Variants in GPR15LG observed in about 807,000 individuals in gnomAD.
GPR15LG encodes protein GPR15LG.
chr10:84,184,143 G>C, the GPR15LG span, among the ~76,000 whole-genome samples: 1 of 147,488 alleles, frequency 6.8e-6, no homozygotes, highest in Non-Finnish European at 1.5e-5. Flanking sequence ...GACATAAGGA[G>C]ACTCCCATCT....
the GPR15LG span, chr10:84,174,072 T>C: frequency 1.5e-6 from 1 of 657,496 alleles, no homozygotes; most frequent in Non-Finnish European, 2.7e-6. Context: ...CCTGAACCTA[T>C]AGGTTTGGGG....
chr10:84,175,869 A>G, the GPR15LG span, among the ~76,000 whole-genome samples: 9 of 149,802 alleles, frequency 6.0e-5, no homozygotes, highest in African/African-American at 2.2e-4. Flanking sequence ...TCCTTTATTC[A>G]GGCTTTTTTT....
the GPR15LG span, among the ~76,000 whole-genome samples, chr10:84,179,826 A>G: frequency 6.6e-6 from 1 of 152,072 alleles, no homozygotes; most frequent in Non-Finnish European, 1.5e-5. Flanking sequence ...TCAACATGCT[A>G]AATGGCTGAT....
the GPR15LG span, among the ~76,000 whole-genome samples, chr10:84,183,006 A>T: frequency 6.6e-6 from 1 of 151,510 alleles, no homozygotes; most frequent in African/African-American, 2.4e-5. Context: ...CTATGGGAAG[A>T]TCAAAGCACT....
chr10:84,184,906 C>A, the GPR15LG span: 1 of 1,492,218 alleles, frequency 6.7e-7, no homozygotes, highest in Non-Finnish European at 8.8e-7. Context: ...TGCAAGGACC[C>A]TGGGAAAGTT....
chr10:84,174,258 C>G, the GPR15LG span, among the ~76,000 whole-genome samples: 2 of 152,134 alleles, frequency 1.3e-5, no homozygotes, highest in African/African-American at 2.4e-5. Flanking sequence ...TTCTCTTGTA[C>G]TTGTGTCATG....
chr10:84,183,521 A>G, the GPR15LG span, among the ~76,000 whole-genome samples: 1 of 152,048 alleles, frequency 6.6e-6, no homozygotes, highest in Non-Finnish European at 1.5e-5. Context: ...TCATTTTTTA[A>G]TTTTTAAACT....
chr10:84,176,556 A>C, the GPR15LG span: 1 of 1,613,618 alleles, frequency 6.2e-7, no homozygotes, highest in Non-Finnish European at 8.5e-7. Context: ...GCCCCAACTC[A>C]ACAAACCTGA....
chr10:84,182,649 G>A, the GPR15LG span, among the ~76,000 whole-genome samples: 5 of 152,184 alleles, frequency 3.3e-5, no homozygotes, highest in African/African-American at 9.7e-5. Flanking sequence ...TGAGGTACAG[G>A]CTCTGAGCTT....
At chr10:84,183,467 C>T in the GPR15LG span, among the ~76,000 whole-genome samples, 6 of 152,070 alleles carry the variant, frequency 3.9e-5, no homozygotes, top group African/African-American at 1.2e-4. Flanking sequence ...CTTTGTTTTT[C>T]GTACAAACGT....
chr10:84,178,228 G>T, the GPR15LG span, among the ~76,000 whole-genome samples: 1 of 147,042 alleles, frequency 6.8e-6, no homozygotes, highest in African/African-American at 2.5e-5. Context: ...CACACACCAC[G>T]CACTATACAT....
At chr10:84,184,280 G>A in the GPR15LG span, among the ~76,000 whole-genome samples, 50 of 152,272 alleles carry the variant, frequency 3.3e-4, no homozygotes, top group African/African-American at 1.2e-3. Context: ...TTTGGGACAC[G>A]TTGCCTGGCA....
the GPR15LG span, chr10:84,176,463 T>C: frequency 6.3e-7 from 1 of 1,589,634 alleles, no homozygotes; most frequent in Non-Finnish European, 8.6e-7. Flanking sequence ...TCTCTCTTCC[T>C]TTGTGTCCAC....
At chr10:84,174,222 C>T in the GPR15LG span, among the ~76,000 whole-genome samples, 190 of 152,300 alleles carry the variant, frequency 1.2e-3, 6 homozygotes, top group East Asian at 0.032. Flanking sequence ...TGCTTAAGTC[C>T]TACCTATCTA....
chr10:84,176,976 GCTTGAGA>G, the GPR15LG span, among the ~76,000 whole-genome samples: 3 of 152,136 alleles, frequency 2.0e-5, no homozygotes, highest in African/African-American at 4.8e-5. Flanking sequence ...TGGTAGCAGG[GCTTGAGA>G]GGTACTCCCA....
the GPR15LG span, among the ~76,000 whole-genome samples, chr10:84,183,565 C>T: frequency 6.6e-6 from 1 of 152,022 alleles, no homozygotes; most frequent in East Asian, 1.9e-4. Flanking sequence ...TGTTGCTGTG[C>T]AGTGTTCATA....
At chr10:84,182,586 C>G in the GPR15LG span, among the ~76,000 whole-genome samples, 2 of 152,206 alleles carry the variant, frequency 1.3e-5, no homozygotes, top group East Asian at 3.9e-4. Flanking sequence ...CCAGACTGTT[C>G]ACGTGGTGTC....
chr10:84,184,661 C>T, the GPR15LG span: 1 of 1,613,592 alleles, frequency 6.2e-7, no homozygotes, highest in Non-Finnish European at 8.5e-7. Context: ...TCCCTCTTGT[C>T]TACTCATTGC....
the GPR15LG span, among the ~76,000 whole-genome samples, chr10:84,178,329 ACAAT>A: frequency 1.4e-3 from 215 of 152,094 alleles, 3 homozygotes; most frequent in South Asian, 5.6e-3. Flanking sequence ...CACACTACAC[ACAAT>A]CATACACACA....
Sources: allele counts gnomAD v4.1 joint callset (sites outside exome capture counted in the v4.1 genomes callset), GRCh38; gene constraint gnomAD v4.1.1; transcripts MANE v1.5; gene names NCBI Gene and HGNC (gene_info 2026-07-23, HGNC 2026-07-21).